Variants in STK10 observed in about 807,000 individuals in gnomAD.
STK10 encodes the protein serine/threonine kinase 10.
STK10 carries 78 observed loss-of-function variants against 113.8 expected under a neutral mutation model. That is an observed-to-expected ratio of 0.69 (90% CI 0.57 to 0.83). The LOEUF is 0.83. STK10 is among the 40% of genes least tolerant of loss of function. The pLI, the probability that STK10 is intolerant of heterozygous loss-of-function variation, is 0.00. For synonymous variants in STK10, 465 were observed against 494.7 expected (o/e 0.94, Z 0.80); for missense variants, 1,109 against 1,280.1 (o/e 0.87, Z 2.04).
intron 1 of STK10, among the ~76,000 whole-genome samples, chr5:172,184,392 A>G (rs925856846): frequency 2.0e-5 from 3 of 152,246 alleles, no homozygotes; most frequent in South Asian, 4.1e-4. Flanking sequence ...GACTAAGGAA[A>G]AAGTGTTCAA....
intron 14 of STK10, among the ~76,000 whole-genome samples, chr5:172,058,007 T>A (rs1767847058): frequency 6.6e-6 from 1 of 152,162 alleles, no homozygotes; most frequent in African/African-American, 2.4e-5. Flanking sequence ...ATCCTCCTTG[T>A]CTCCTGCACG....
chr5:172,079,668 T>G (rs1199829005), intron 12 of STK10, among the ~76,000 whole-genome samples: 1 of 152,104 alleles, frequency 6.6e-6, no homozygotes, highest in Non-Finnish European at 1.5e-5. Context: ...TTCGAGCAGT[T>G]CTCCTGCTCA....
intron 1 of STK10, among the ~76,000 whole-genome samples, chr5:172,180,175 C>T (rs2016132): frequency 0.045 from 6,822 of 152,314 alleles, 194 homozygotes; most frequent in South Asian, 0.1. Context: ...TTTGAAAGTC[C>T]GGCCTAGGCC....
At chr5:172,103,374 G>GT (rs1339808224) in intron 7 of STK10, among the ~76,000 whole-genome samples, 1 of 152,240 alleles carries the variant, frequency 6.6e-6, no homozygotes, top group Non-Finnish European at 1.5e-5. Flanking sequence ...CTGCTGGACG[G>GT]TAAGAATCCT....
chr5:172,153,097 A>G (rs1770271596), intron 2 of STK10, among the ~76,000 whole-genome samples: 1 of 151,982 alleles, frequency 6.6e-6, no homozygotes, highest in Non-Finnish European at 1.5e-5. Flanking sequence ...GACCAGCCTG[A>G]CCAACATGGA....
At chr5:172,059,642 G>A (rs888755373) in intron 14 of STK10, among the ~76,000 whole-genome samples, 3 of 151,926 alleles carry the variant, frequency 2.0e-5, no homozygotes, top group Admixed American at 1.3e-4. Context: ...CACGCTGGAC[G>A]ACATCATCTA....
chr5:172,180,413 C>T (rs1055929126), intron 1 of STK10, among the ~76,000 whole-genome samples: 10 of 151,784 alleles, frequency 6.6e-5, no homozygotes, highest in East Asian at 1.9e-4. Context: ...TGCAGTAAGC[C>T]GAGTTCGTGC....
intron 12 of STK10, among the ~76,000 whole-genome samples, chr5:172,067,669 C>T (rs2113710807): frequency 6.6e-6 from 1 of 151,736 alleles, no homozygotes; most frequent in South Asian, 2.1e-4. Flanking sequence ...AAATTTAAAA[C>T]TAAACAATAC....
At chr5:172,058,992 C>T (rs1236067239) in intron 14 of STK10, among the ~76,000 whole-genome samples, 1 of 150,182 alleles carries the variant, frequency 6.7e-6, no homozygotes, top group Non-Finnish European at 1.5e-5. Context: ...GGGAGGCCGA[C>T]GCAGGCAGAT....
chr5:172,151,372 TCTCA>T (rs1770229809), intron 2 of STK10, among the ~76,000 whole-genome samples: 1 of 150,896 alleles, frequency 6.6e-6, no homozygotes, highest in African/African-American at 2.4e-5. Context: ...TGAGTCAGAG[TCTCA>T]CTCTTGTCAC....
chr5:172,177,588 A>G (rs1770780992), intron 1 of STK10, among the ~76,000 whole-genome samples: 2 of 152,252 alleles, frequency 1.3e-5, no homozygotes, highest in Admixed American at 1.3e-4. Flanking sequence ...GAGATGTGCC[A>G]TAAGTGCAAC....
chr5:172,063,087 T>A (rs748310460), intron 13 of STK10, among the ~76,000 whole-genome samples: 153 of 152,034 alleles, frequency 1.0e-3, no homozygotes, highest in Non-Finnish European at 1.7e-3. Context: ...CTAACTCTAT[T>A]AAAAATACAA....
intron 3 of STK10, among the ~76,000 whole-genome samples, chr5:172,126,399 TA>T (rs1769619892): frequency 6.6e-6 from 1 of 152,136 alleles, no homozygotes; most frequent in Admixed American, 6.5e-5. Flanking sequence ...ACCCCATCAC[TA>T]CTAACATACA....
At chr5:172,106,458 G>T (rs894514795) in intron 6 of STK10, among the ~76,000 whole-genome samples, 162 bp downstream of exon 6, 15 of 148,432 alleles carry the variant, frequency 1.0e-4, no homozygotes, top group African/African-American at 2.7e-4. Context: ...GGCCCGGGGG[G>T]GCTCAGAAAC....
chr5:172,133,945 G>A lies in STK10; in HGVS notation c.322-6524C>T, dbSNP rs1417073288. Among the ~76,000 whole-genome samples, 1 of 152,168 alleles carries A rather than the reference G, an allele frequency of 6.6e-6. No homozygotes were observed. On this transcript the variant is annotated intron_variant, in intron 2 of 18. Coordinates refer to ENST00000176763, the MANE Select transcript of STK10 (RefSeq NM_005990.4). This position sits in a 1 kb window ranked among gnomAD's most constrained non-coding sequence, Gnocchi z 4.9. ...CTCCAACTTGAACGTTCAGCAGAGTGCTTGTTAAAACAGATCACTGGGTCC... is the reference window on the plus strand; with the variant it reads ...CTCCAACTTGAACGTTCAGCAGAGTACTTGTTAAAACAGATCACTGGGTCC...
chr5:172,155,488 A>G (rs1392762589), intron 2 of STK10, among the ~76,000 whole-genome samples: 1 of 143,652 alleles, frequency 7.0e-6, no homozygotes, highest in Non-Finnish European at 1.5e-5. Context: ...ACAGAGTGAG[A>G]CTCCATCTCA....
At chr5:172,121,471 C>G (rs1211081419) in intron 3 of STK10, among the ~76,000 whole-genome samples, 1 of 152,124 alleles carries the variant, frequency 6.6e-6, no homozygotes, top group Non-Finnish European at 1.5e-5. Context: ...TCCTGAGTAG[C>G]TGGAACCACC....
intron 10 of STK10, among the ~76,000 whole-genome samples, chr5:172,089,711 T>C (rs974427328): frequency 2.6e-5 from 4 of 151,560 alleles, no homozygotes; most frequent in African/African-American, 9.7e-5. Flanking sequence ...GGTGGATAGA[T>C]GGAAGGTGAG....
intron 12 of STK10, among the ~76,000 whole-genome samples, chr5:172,076,868 A>G (rs1205859155): frequency 1.3e-5 from 2 of 152,226 alleles, no homozygotes; most frequent in East Asian, 1.9e-4. Context: ...TGTTGCAAGC[A>G]TGATTTCTTG....
Sources: allele counts gnomAD v4.1 joint callset (sites outside exome capture counted in the v4.1 genomes callset), GRCh38; gene constraint gnomAD v4.1.1; non-coding constraint Gnocchi (gnomAD v3.1); transcripts MANE v1.5; gene names NCBI Gene and HGNC (gene_info 2026-07-23, HGNC 2026-07-21).